The following VMA12 variants were observed in gnomAD, a reference collection of about 807,000 sequenced individuals.
VMA12 encodes the protein vacuolar ATPase assembly factor VMA12.
At chr17:28,357,695 G>A in the VMA12 span, 5 of 1,612,864 alleles carry the variant, frequency 3.1e-6, no homozygotes, top group Middle Eastern at 3.3e-4. Flanking sequence ...GCTTGCGGGC[G>A]AGCGATTGGT....
At chr17:28,360,740 T>C in the VMA12 span, 1 of 1,613,956 alleles carries the variant, frequency 6.2e-7, no homozygotes, top group African/African-American at 1.3e-5. Flanking sequence ...CAAAGTGAGA[T>C]CATTGAAGGC....
the VMA12 span, chr17:28,360,141 G>C: frequency 6.2e-5 from 11 of 176,782 alleles, no homozygotes; most frequent in South Asian, 1.2e-4. Context: ...CTAATTTTTT[G>C]TATTTTTAGT....
chr17:28,360,517 TC>T, the VMA12 span: 1 of 1,613,984 alleles, frequency 6.2e-7, no homozygotes, highest in Non-Finnish European at 8.5e-7. Flanking sequence ...ATCTTCTTTT[TC>T]TTTTTCCCAG....
chr17:28,360,171 C>T, the VMA12 span: 1 of 204,834 alleles, frequency 4.9e-6, no homozygotes, highest in Non-Finnish European at 1.0e-5. Flanking sequence ...GTTGGCCAGG[C>T]TGGTCTTGAA....
At chr17:28,360,977 T>C in the VMA12 span, 1 of 934,688 alleles carries the variant, frequency 1.1e-6, no homozygotes, top group Non-Finnish European at 1.7e-6. Context: ...AGGGGAGCAT[T>C]AGAGCTTTCC....
At chr17:28,362,883 C>T in the VMA12 span, 2 of 152,290 alleles carry the variant, frequency 1.3e-5, no homozygotes, top group African/African-American at 4.8e-5. Flanking sequence ...GAAGGGAGCT[C>T]TCTCATCTGC....
the VMA12 span, chr17:28,359,178 T>A: frequency 9.8e-7 from 1 of 1,025,278 alleles, no homozygotes; most frequent in Non-Finnish European, 1.4e-6. Context: ...AAAAACAGTT[T>A]CAAAGCACTG....
chr17:28,358,896 G>C, the VMA12 span: 1 of 1,600,016 alleles, frequency 6.2e-7, no homozygotes, highest in Non-Finnish European at 8.5e-7. Flanking sequence ...CATTGTGTTT[G>C]TGAAACCTTT....
chr17:28,363,510 G>C, the VMA12 span: 1 of 152,234 alleles, frequency 6.6e-6, no homozygotes, highest in Non-Finnish European at 1.5e-5. Context: ...TCCAGATTAA[G>C]GTACAGAGTT....
the VMA12 span, chr17:28,360,764 A>G: frequency 2.4e-5 from 39 of 1,613,572 alleles, no homozygotes; most frequent in African/African-American, 3.3e-4. Flanking sequence ...GGTCATCACC[A>G]TCTTCAATTT....
chr17:28,358,681 T>C, the VMA12 span, among the ~76,000 whole-genome samples: 1 of 152,320 alleles, frequency 6.6e-6, no homozygotes, highest in South Asian at 2.1e-4. Context: ...TACTTGTTAG[T>C]TATAACACTG....
the VMA12 span, chr17:28,357,658 G>A: frequency 3.7e-6 from 6 of 1,610,798 alleles, no homozygotes; most frequent in East Asian, 6.7e-5. Context: ...CCTGACCGGA[G>A]AGCCGGCTAG....
the VMA12 span, chr17:28,360,461 G>GC: frequency 1 from 1,472,175 of 1,472,406 alleles, 735,972 homozygotes; most frequent in Middle Eastern, 1. Flanking sequence ...AGAGGGCTGA[G>GC]CCAGACTGTC....
the VMA12 span, chr17:28,361,503 T>A: frequency 2.1e-5 from 10 of 470,336 alleles, no homozygotes; most frequent in Non-Finnish European, 3.9e-5. Flanking sequence ...TACCTCTTCC[T>A]GAATCTGGTA....
At chr17:28,361,250 T>C in the VMA12 span, 1 of 1,614,086 alleles carries the variant, frequency 6.2e-7, no homozygotes, top group African/African-American at 1.3e-5. Context: ...GGGAGAACTG[T>C]AACTGGTGCT....
the VMA12 span, chr17:28,357,666 T>C: frequency 1.3e-4 from 212 of 1,611,622 alleles, 4 homozygotes; most frequent in East Asian, 4.7e-3. Context: ...GAGAGCCGGC[T>C]AGATATGGCG....
the VMA12 span, chr17:28,361,401 G>A: frequency 1.5e-6 from 1 of 666,626 alleles, no homozygotes. Flanking sequence ...TCTGTGGGGA[G>A]CCCTAATCTT....
At chr17:28,361,068 T>C in the VMA12 span, 1 of 1,297,342 alleles carries the variant, frequency 7.7e-7, no homozygotes. Context: ...AGAGGGTGGT[T>C]GGGGGGCTCT....
the VMA12 span, chr17:28,362,292 G>C: frequency 6.6e-6 from 1 of 151,946 alleles, no homozygotes; most frequent in Admixed American, 6.6e-5. Context: ...TGGGAGAAGT[G>C]TCAGCTGTGA....
Sources: allele counts gnomAD v4.1 joint callset (sites outside exome capture counted in the v4.1 genomes callset), GRCh38; gene constraint gnomAD v4.1.1; transcripts MANE v1.5; gene names NCBI Gene and HGNC (gene_info 2026-07-23, HGNC 2026-07-21).